Variants in STOX2 observed in about 807,000 individuals in gnomAD.
The protein encoded by STOX2 is storkhead box 2, also known as storkhead-box protein 2.
A neutral mutation model predicts 60.9 loss-of-function variants in STOX2; 28 were observed. The observed-to-expected ratio is 0.46, with a 90% confidence interval of 0.34 to 0.63. STOX2 has a LOEUF of 0.63. Among genes scored for constraint, STOX2 ranks in the 30% least tolerant of loss-of-function variants. STOX2 has a pLI of 0.01. For missense variants in STOX2, 1,024 were observed against 1,187.7 expected, an observed-to-expected ratio of 0.86 and a Z score of 2.03; for synonymous variants, 472 against 463.9, an observed-to-expected ratio of 1.02 and a Z score of -0.22.
Position 183,905,495 on chromosome 4 carries a change from CCTCCCCTCCCTCTGGCTTTAGCTT to C in STOX2, c.-1294_-1271del, listed in dbSNP as rs1439305200. 2 of 152,244 alleles carry C rather than the reference CCTCCCCTCCCTCTGGCTTTAGCTT, an allele frequency of 1.3e-5. No homozygotes were observed. Among genetic ancestry groups the C allele is most frequent in the Non-Finnish European group, 2.9e-5 (2 of 68,078 alleles). 9.4% of individuals were successfully genotyped at this position (152,244 alleles called of 1,614,324 possible). On this transcript the variant is annotated 5_prime_UTR_variant, in exon 1 of 4. Coordinates refer to ENST00000308497, the MANE Select transcript of STOX2 (RefSeq NM_020225.3). The stretch of plus-strand genomic sequence containing the variant: ...GCGGTTGTGGGGGAGCTCGCCGTGG[CCTCCCCTCCCTCTGGCTTTAGCTT>C]CCTTTGGGGTTGGCGCAGGTGGGCC...
chr4:183,947,700 C>T (rs1742937272), intron 1 of STOX2, among the ~76,000 whole-genome samples: 1 of 152,160 alleles, frequency 6.6e-6, no homozygotes, highest in Admixed American at 6.5e-5. Context: ...AACACACCTC[C>T]CCTTCCTCCT....
In STOX2 at chr4:183,806,224, T is replaced by G. The variant is rs1468586695; in HGVS notation, c.364+8169T>G. Among the ~76,000 whole-genome samples, 1 of 152,156 alleles carries G rather than the reference T, an allele frequency of 6.6e-6. No individual in the cohort carries two copies. The highest frequency in any genetic ancestry group is 2.4e-5 in the African/African-American group (1 of 41,440). On this transcript the variant is annotated intron_variant, in intron 1 of 2. Coordinates refer to the STOX2 transcript ENST00000513034. The surrounding 1 kb of genome is among the most constrained non-coding windows in gnomAD (Gnocchi z 4.1). ...TTTATTGTGAAGGCCCTGTAATAAT[T>G]TTCTAAAGTGACAGCCCATCTGTCA...
At chr4:183,926,622 G>A (rs1008122712) in intron 1 of STOX2, among the ~76,000 whole-genome samples, 7 of 150,426 alleles carry the variant, frequency 4.7e-5, no homozygotes, top group Non-Finnish European at 1.0e-4. Flanking sequence ...AGCAAAAGTG[G>A]GTTTTTTTTT....
chr4:183,931,509 TATATGCA>T (rs1425966848), intron 1 of STOX2, among the ~76,000 whole-genome samples: 2 of 152,310 alleles, frequency 1.3e-5, no homozygotes, highest in East Asian at 3.9e-4. Context: ...ATCTAGTGTC[TATATGCA>T]AGCAATATAT....
At chr4:184,008,514 A>G (rs1391773199) in intron 2 of STOX2, among the ~76,000 whole-genome samples, 1 of 152,224 alleles carries the variant, frequency 6.6e-6, no homozygotes, top group African/African-American at 2.4e-5. Flanking sequence ...ACTGACGCCA[A>G]AAAGGAGAAC....
rs542642491 is a variant in STOX2, at chr4:183,956,212, A to G, written c.167-45113A>G. ...TCCTGTTTTACACCTCGCCGTTAACAATACCTGAATTTGAGAGACTTTGCA... is the reference window on the plus strand; with the variant it reads ...TCCTGTTTTACACCTCGCCGTTAACGATACCTGAATTTGAGAGACTTTGCA... On this transcript the variant is annotated intron_variant, in intron 1 of 3. Transcript: ENST00000308497. Among the ~76,000 whole-genome samples the G allele has an allele frequency of 2.7e-4, 41 of 152,302 alleles. 1 individual carries two copies. Among genetic ancestry groups the G allele is most frequent in the Admixed American group, 6.5e-4 (10 of 15,298 alleles).
chr4:183,887,675 G>A (rs756059622), intron 1 of STOX2, among the ~76,000 whole-genome samples: 14 of 152,328 alleles, frequency 9.2e-5, no homozygotes, highest in South Asian at 4.1e-4. Context: ...TTCGCTCAAG[G>A]TTATACCTCT....
chr4:183,883,221 C>A (rs1327014901), intron 1 of STOX2, among the ~76,000 whole-genome samples: 2 of 152,024 alleles, frequency 1.3e-5, no homozygotes, highest in Non-Finnish European at 2.9e-5. Context: ...GATAAAGACC[C>A]TTGAAAAATA....
At chr4:183,951,249 CA>C (rs1553980917) in intron 1 of STOX2, among the ~76,000 whole-genome samples, 2 of 150,108 alleles carry the variant, frequency 1.3e-5, no homozygotes, top group Non-Finnish European at 3.0e-5. Flanking sequence ...GACAGTAGTG[CA>C]AAGGCTTTGC....
chr4:183,848,547 G>A (rs549122834), intron 1 of STOX2, among the ~76,000 whole-genome samples: 2 of 152,144 alleles, frequency 1.3e-5, no homozygotes, highest in Non-Finnish European at 1.5e-5. Context: ...AAGGGCCTCC[G>A]AGAGATGAAA....
intron 1 of STOX2, among the ~76,000 whole-genome samples, chr4:183,807,445 C>T (rs1427763115): frequency 3.3e-5 from 5 of 151,694 alleles, no homozygotes; most frequent in African/African-American, 9.7e-5. Context: ...TCCTTGCAAA[C>T]CACCTGTCAG....
At chr4:183,857,169 TCTGGTCATCCCACAGGA>T (rs1356418033) in intron 1 of STOX2, among the ~76,000 whole-genome samples, 1 of 142,060 alleles carries the variant, frequency 7.0e-6, no homozygotes, top group African/African-American at 2.7e-5. Context: ...ATCCTGCAGG[TCTGGTCATCCCACAGGA>T]CTGGTCATCC....
At chr4:183,798,045 C>T in exon 1 of STOX2, 1 of 1,229,312 alleles carries the variant, frequency 8.1e-7, no homozygotes, top group Non-Finnish European at 1.0e-6. Context: ...GCTTCCACAT[C>T]CGCTGCCTGG....
chr4:183,860,849 C>G (rs1017167701), intron 1 of STOX2, among the ~76,000 whole-genome samples: 1 of 152,196 alleles, frequency 6.6e-6, no homozygotes, highest in African/African-American at 2.4e-5. Flanking sequence ...GCAAACGATT[C>G]CATTTCCATC....
intron 1 of STOX2, among the ~76,000 whole-genome samples, chr4:183,946,236 C>T (rs965613920): frequency 1.3e-5 from 2 of 152,134 alleles, no homozygotes; most frequent in Non-Finnish European, 2.9e-5. Context: ...TCATTTCAAG[C>T]GTTTATTTGC....
chr4:184,014,994 G>A (rs1011001482), intron 3 of STOX2: 2 of 152,122 alleles, frequency 1.3e-5, no homozygotes, highest in Non-Finnish European at 2.9e-5. Context: ...GTAATACATG[G>A]ATTCTGAAGC....
intron 3 of STOX2, chr4:184,016,183 A>T (rs1290797069): frequency 6.6e-6 from 1 of 152,162 alleles, no homozygotes; most frequent in Non-Finnish European, 1.5e-5. Context: ...CAGCATGGGG[A>T]AACCCAGTCT....
chr4:183,930,415 CGATCA>C (rs1016179364), intron 1 of STOX2, among the ~76,000 whole-genome samples: 1 of 151,992 alleles, frequency 6.6e-6, no homozygotes, highest in African/African-American at 2.4e-5. Flanking sequence ...TGCAGTGGCA[CGATCA>C]TGCCTCACTC....
intron 2 of STOX2, among the ~76,000 whole-genome samples, chr4:184,006,758 A>G (rs1733855763): frequency 6.6e-6 from 1 of 151,384 alleles, no homozygotes; most frequent in Non-Finnish European, 1.5e-5. Flanking sequence ...TATAAAATTA[A>G]AAAACACCAG....
Sources: allele counts gnomAD v4.1 joint callset (sites outside exome capture counted in the v4.1 genomes callset), GRCh38; gene constraint gnomAD v4.1.1; non-coding constraint Gnocchi (gnomAD v3.1); transcripts MANE v1.5; gene names NCBI Gene and HGNC (gene_info 2026-07-23, HGNC 2026-07-21).